HPSE2: variants seen among roughly 807,000 people sequenced by gnomAD.
HPSE2 encodes inactive heparanase-2.
HPSE2 carries 38 observed loss-of-function variants against 60.5 expected under a neutral mutation model. That is an observed-to-expected ratio of 0.63 (90% CI 0.48 to 0.82). The LOEUF (loss-of-function observed/expected upper bound fraction) is 0.82. Among genes scored for constraint, HPSE2 ranks in the 40% least tolerant of loss-of-function variants. The probability of loss-of-function intolerance (pLI) is 0.00; values close to 1 mark genes in which losing one functional copy is unlikely to be tolerated. For missense variants in HPSE2, 713 were observed against 740.4 expected (o/e 0.96, Z 0.43); for synonymous variants, 295 against 293.2 (o/e 1.01, Z -0.06).
intron 11 of HPSE2, among the ~76,000 whole-genome samples, chr10:98,480,133 G>T (rs2133638156): frequency 6.6e-6 from 1 of 150,398 alleles, no homozygotes; most frequent in East Asian, 2.0e-4. Flanking sequence ...CTGTTGCCCA[G>T]GCTGGAGTGC....
intron 3 of HPSE2, among the ~76,000 whole-genome samples, chr10:99,030,636 C>T (rs1445685791): frequency 2.6e-5 from 4 of 152,196 alleles, no homozygotes; most frequent in Non-Finnish European, 5.9e-5. Context: ...AATCCCACTG[C>T]TGGCTATATA....
intron 3 of HPSE2, among the ~76,000 whole-genome samples, chr10:99,074,267 C>A (rs1018428593): frequency 6.6e-6 from 1 of 151,872 alleles, no homozygotes; most frequent in Non-Finnish European, 1.5e-5. Context: ...ATCATAAAAG[C>A]GTGTTGAATT....
intron 2 of HPSE2, among the ~76,000 whole-genome samples, chr10:99,217,186 T>C (rs916330106): frequency 6.0e-5 from 9 of 150,714 alleles, no homozygotes; most frequent in African/African-American, 2.2e-4. Flanking sequence ...CCATAAGTAG[T>C]AACATTAGTA....
chr10:99,259,602 T>C, the HPSE2 span, among the ~76,000 whole-genome samples: 1 of 152,094 alleles, frequency 6.6e-6, no homozygotes, highest in Non-Finnish European at 1.5e-5. Context: ...AAGAAAGGAA[T>C]ATGCAATACC....
intron 3 of HPSE2, among the ~76,000 whole-genome samples, chr10:98,770,200 A>G (rs957850312): frequency 3.3e-5 from 5 of 152,206 alleles, no homozygotes; most frequent in Non-Finnish European, 2.9e-5. Context: ...ACATTGAAAG[A>G]AAGCCACAAG....
At chr10:98,964,606 T>A (rs79604788) in intron 3 of HPSE2, among the ~76,000 whole-genome samples, 1 of 152,100 alleles carries the variant, frequency 6.6e-6, no homozygotes, top group Non-Finnish European at 1.5e-5. Context: ...TCACTCTAGA[T>A]GTTAGTATTC....
intron 3 of HPSE2, among the ~76,000 whole-genome samples, chr10:98,824,262 G>T (rs915344371): frequency 6.6e-6 from 1 of 152,090 alleles, no homozygotes; most frequent in Admixed American, 6.5e-5. Flanking sequence ...GTTAGTGAGC[G>T]GGGGTGGTCA....
At chr10:98,788,529 C>T (rs1464575666) in intron 3 of HPSE2, among the ~76,000 whole-genome samples, 3 of 151,304 alleles carry the variant, frequency 2.0e-5, no homozygotes, top group South Asian at 2.1e-4. Flanking sequence ...CAATGGCAGG[C>T]GCCCCTCCCC....
intron 3 of HPSE2, among the ~76,000 whole-genome samples, chr10:99,137,022 T>C (rs897647044): frequency 6.6e-5 from 10 of 152,216 alleles, no homozygotes; most frequent in Admixed American, 5.9e-4. Flanking sequence ...CTCCTTAAGC[T>C]GATAAGCAAC....
rs63389761 is a variant in HPSE2, at chr10:98,960,740, ATTT to A, written c.610+183495_610+183497del. Among the ~76,000 whole-genome samples, 4 of 95,920 alleles carry A rather than the reference ATTT, an allele frequency of 4.2e-5. No homozygotes were observed. In the East Asian group the frequency reaches 9.3e-4, roughly 22 times the overall value. 62.9% of individuals were successfully genotyped at this position (95,920 alleles called of 152,430 possible). A position where few individuals can be genotyped will look rare whatever the true frequency, so the allele number is the denominator to read the frequency against. ...TTTTTTGTTTTATTTTTTTTATTTT[ATTT>A]TTTTTTTTATTATACTCTAAGTTTT... On this transcript the variant is annotated intron_variant, in intron 3 of 11. Transcript: ENST00000370552.
At chr10:99,281,537 T>C in the HPSE2 span, among the ~76,000 whole-genome samples, 1 of 152,200 alleles carries the variant, frequency 6.6e-6, no homozygotes, top group East Asian at 1.9e-4. Context: ...TTATTTCATT[T>C]AATAACTTAC....
At chr10:99,036,773 T>C (rs945412454) in intron 3 of HPSE2, among the ~76,000 whole-genome samples, 27 of 152,294 alleles carry the variant, frequency 1.8e-4, no homozygotes, top group African/African-American at 5.5e-4. Context: ...AAGATACTTA[T>C]TAATTACTAT....
rs1284023135 is a variant in HPSE2, at chr10:98,688,476, TC to T, written c.1004+5423del. The stretch of plus-strand genomic sequence containing the variant: ...TTCCTTTAGCATTTCTTTTTTTTTT[TC>T]TTTTTTTTTTTTTTTTGAGGCAGAA... On this transcript the variant is annotated intron_variant, in intron 6 of 11. Transcript: ENST00000370552. Among the ~76,000 whole-genome samples the T allele has an allele frequency of 2.3e-3, 272 of 116,064 alleles. 24 individuals are homozygous for T. Among genetic ancestry groups the T allele is most frequent in the East Asian group, 0.018 (61 of 3,396 alleles). The allele number at this position is 116,064 out of a possible 152,430, so 76.1% of individuals were successfully genotyped here.
At chr10:99,173,744 G>A (rs938113925) in intron 2 of HPSE2, among the ~76,000 whole-genome samples, 3 of 152,002 alleles carry the variant, frequency 2.0e-5, no homozygotes, top group Non-Finnish European at 4.4e-5. Flanking sequence ...AGGAGTTCGA[G>A]ACCAGCCTGG....
At chr10:99,104,430 G>A (rs1263593694) in intron 3 of HPSE2, among the ~76,000 whole-genome samples, 2 of 152,208 alleles carry the variant, frequency 1.3e-5, no homozygotes, top group Non-Finnish European at 2.9e-5. Flanking sequence ...TGGAGAGGAT[G>A]TGGAGAAATA....
At chr10:99,233,596 C>T (rs569261565) in intron 1 of HPSE2, among the ~76,000 whole-genome samples, 1 of 152,298 alleles carries the variant, frequency 6.6e-6, no homozygotes, top group South Asian at 2.1e-4. Flanking sequence ...TAACGCTTTA[C>T]TGTTTCAGAT....
intron 5 of HPSE2, among the ~76,000 whole-genome samples, chr10:98,705,843 G>A (rs1948534130): frequency 6.6e-6 from 1 of 152,110 alleles, no homozygotes. Context: ...TTTGATAGGT[G>A]CAGGATGCCA....
intron 9 of HPSE2, among the ~76,000 whole-genome samples, chr10:98,505,745 G>T (rs1942178908): frequency 6.6e-6 from 1 of 152,082 alleles, no homozygotes; most frequent in South Asian, 2.1e-4. Context: ...TTTCCGTATG[G>T]ATAGTCCAAT....
chr10:98,841,424 A>G (rs558389893), intron 3 of HPSE2, among the ~76,000 whole-genome samples: 4 of 152,152 alleles, frequency 2.6e-5, no homozygotes, highest in Non-Finnish European at 4.4e-5. Flanking sequence ...GATCATACCT[A>G]TGTTCCTAAA....
Sources: gnomAD v4.1 joint callset for allele counts (sites outside exome capture counted in the v4.1 genomes callset) on GRCh38, gnomAD v4.1.1 for gene constraint, MANE v1.5 for transcripts, NCBI Gene and HGNC (gene_info 2026-07-23, HGNC 2026-07-21) for gene names.